The following ARHGEF3 variants were observed in gnomAD, a reference collection of about 807,000 sequenced individuals.
The protein encoded by ARHGEF3 is Rho guanine nucleotide exchange factor 3.
Under a neutral mutation model 63.2 loss-of-function variants are expected in ARHGEF3, and 28 were observed. The ratio of observed to expected loss-of-function variants is 0.44; its 90% confidence interval spans 0.33 to 0.61. The LOEUF (loss-of-function observed/expected upper bound fraction) is 0.61, where lower values mean the gene tolerates loss of function less well. Ranked by LOEUF, ARHGEF3 falls within the 20% of genes least tolerant of loss-of-function variation. The pLI is 0.03. For missense variants in ARHGEF3, 533 were observed against 659.3 expected (o/e 0.81, Z 2.10); for synonymous variants, 266 against 254.2 (o/e 1.05, Z -0.44).
upstream of ARHGEF3, among the ~76,000 whole-genome samples, chr3:56,804,294 T>C (rs916505906): frequency 4.6e-5 from 7 of 152,210 alleles, no homozygotes; most frequent in African/African-American, 1.7e-4. Context: ...GGAGACACTA[T>C]CTTTTGTTTT....
At chr3:57,012,231 C>T (rs145817542) in intron 2 of ARHGEF3, among the ~76,000 whole-genome samples, 13 of 152,108 alleles carry the variant, frequency 8.5e-5, no homozygotes, top group Non-Finnish European at 1.6e-4. Context: ...TGTACCTGGT[C>T]GTGAACTAAG....
upstream of ARHGEF3, among the ~76,000 whole-genome samples, chr3:56,802,733 G>C (rs1291230985): frequency 6.6e-6 from 1 of 152,148 alleles, no homozygotes; most frequent in Non-Finnish European, 1.5e-5. Flanking sequence ...CACCTTTCTG[G>C]ATCCTTTTTG....
chr3:57,056,384 CAAAAAA>C (rs10666149), intron 1 of ARHGEF3, among the ~76,000 whole-genome samples: 1 of 108,352 alleles, frequency 9.2e-6, no homozygotes, highest in Non-Finnish European at 1.8e-5. Context: ...AAGACTCCAT[CAAAAAA>C]AAAAAAAAAA....
chr3:56,852,766 T>C (rs1240479519), intron 4 of ARHGEF3, among the ~76,000 whole-genome samples: 4 of 152,172 alleles, frequency 2.6e-5, no homozygotes. Context: ...AAATGTGAAA[T>C]ATGCAGCTGA....
rs1478730655 is a variant in ARHGEF3, at chr3:57,058,951, A to G, written c.-28+20275T>C. ...GGTGGGAATTGAACAATGAGAACAC[A>G]TGGACGTAAGAAGGGGAACATCACA... On this transcript the variant is annotated intron_variant, in intron 1 of 12. Coordinates refer to the ARHGEF3 transcript ENST00000338458. 4.3e-5 allele frequency among the ~76,000 whole-genome samples: 6 copies of G among 137,940 alleles called. No individual in the cohort carries two copies. The South Asian group carries it at 9.3e-4, about 21-fold the overall frequency. 90.5% of individuals were successfully genotyped at this position (137,940 alleles called of 152,430 possible).
At position 57,065,330 on chromosome 3, in the gene ARHGEF3, G is replaced by A. The variant is rs143613485; in HGVS notation, c.-28+13896C>T. 1.2e-3 allele frequency among the ~76,000 whole-genome samples: 184 copies of A among 152,232 alleles called. 1 individual carries two copies. Among genetic ancestry groups the A allele is most frequent in the East Asian group, 7.9e-3 (41 of 5,174 alleles). On this transcript the variant is annotated intron_variant, in intron 1 of 12. Coordinates refer to the ARHGEF3 transcript ENST00000338458. Reference sequence around the variant, plus strand: ...TACAAAATTAGCCGGGTGTGATGGTGTGCACCTGTAGTCCCAGCTACTAAG... The same window carrying A: ...TACAAAATTAGCCGGGTGTGATGGTATGCACCTGTAGTCCCAGCTACTAAG...
At chr3:56,840,574 G>GT (rs1335742334) in intron 4 of ARHGEF3, among the ~76,000 whole-genome samples, 1 of 152,164 alleles carries the variant, frequency 6.6e-6, no homozygotes, top group African/African-American at 2.4e-5. Context: ...GCGCAGTGCC[G>GT]TGAGTAAGCA....
intron 2 of ARHGEF3, among the ~76,000 whole-genome samples, chr3:57,004,518 G>T (rs772027494): frequency 6.6e-6 from 1 of 152,168 alleles, no homozygotes; most frequent in African/African-American, 2.4e-5. Flanking sequence ...CACATAAGCA[G>T]ATTATTCTCA....
chr3:57,014,069 C>T (rs1702841380), intron 2 of ARHGEF3, among the ~76,000 whole-genome samples: 1 of 152,162 alleles, frequency 6.6e-6, no homozygotes, highest in Non-Finnish European at 1.5e-5. Context: ...ACTCTTAAAG[C>T]CAGCGAGACC....
At chr3:56,836,537 T>C (rs758500382) in intron 4 of ARHGEF3, among the ~76,000 whole-genome samples, 1 of 152,150 alleles carries the variant, frequency 6.6e-6, no homozygotes, top group Non-Finnish European at 1.5e-5. Context: ...TTTCAACCCA[T>C]TCCCTGCCTA....
chr3:56,775,982 TTC>T (rs1446905748), intron 1 of ARHGEF3, among the ~76,000 whole-genome samples: 2 of 152,154 alleles, frequency 1.3e-5, no homozygotes, highest in Non-Finnish European at 1.5e-5. Flanking sequence ...CTCTGAGTCT[TTC>T]TCTTTCTCTC....
chr3:56,961,592 A>T (rs1281908136), intron 2 of ARHGEF3, among the ~76,000 whole-genome samples: 1 of 151,876 alleles, frequency 6.6e-6, no homozygotes, highest in East Asian at 1.9e-4. Flanking sequence ...AAATCTGTCC[A>T]TTCGGGATAC....
At chr3:56,764,050 G>A (rs1705100710) in intron 2 of ARHGEF3, among the ~76,000 whole-genome samples, 1 of 143,724 alleles carries the variant, frequency 7.0e-6, no homozygotes, top group Non-Finnish European at 1.6e-5. Context: ...TCAGATTGAT[G>A]CACATTAAAA....
chr3:56,960,649 T>C (rs1700240622), intron 2 of ARHGEF3: 1 of 152,222 alleles, frequency 6.6e-6, no homozygotes, highest in African/African-American at 2.4e-5. Flanking sequence ...ACCAAAACTA[T>C]GGGAACTCCC....
chr3:56,985,587 T>G (rs1472377250), intron 2 of ARHGEF3, among the ~76,000 whole-genome samples: 1 of 152,138 alleles, frequency 6.6e-6, no homozygotes, highest in Non-Finnish European at 1.5e-5. Context: ...CACAGACAGG[T>G]GGGCAGCAGG....
intron 3 of ARHGEF3, 77 bp from the exon 4 acceptor site, chr3:56,753,643 C>T (rs2034900888): frequency 8.0e-7 from 1 of 1,245,266 alleles, no homozygotes; most frequent in East Asian, 2.3e-5. Flanking sequence ...CTGGCTCCAC[C>T]ACTCAAAACC....
chr3:56,791,641 TTATC>T (rs1261844420), intron 1 of ARHGEF3, among the ~76,000 whole-genome samples: 4 of 152,112 alleles, frequency 2.6e-5, no homozygotes, highest in Non-Finnish European at 5.9e-5. Flanking sequence ...ACAGTGCTGC[TTATC>T]ACCTACCCAG....
chr3:56,882,174 A>C, intron 4 of ARHGEF3: 1 of 1,001,934 alleles, frequency 1.0e-6, no homozygotes, highest in South Asian at 1.8e-5. Context: ...CCCAGGTCAC[A>C]ACTTCCATAG....
intron 3 of ARHGEF3, among the ~76,000 whole-genome samples, chr3:56,906,498 T>C (rs374804492): frequency 6.6e-6 from 1 of 152,308 alleles, no homozygotes; most frequent in South Asian, 2.1e-4. Context: ...AAAGAGAATG[T>C]AAAACATCTT....
Sources: allele counts gnomAD v4.1 joint callset (sites outside exome capture counted in the v4.1 genomes callset), GRCh38; gene constraint gnomAD v4.1.1; transcripts MANE v1.5; gene names NCBI Gene and HGNC (gene_info 2026-07-23, HGNC 2026-07-21).